Variants in LINS1 observed in about 807,000 individuals in gnomAD.
LINS1 encodes the protein protein Lines homolog 1.
Under a neutral mutation model 41.6 loss-of-function variants are expected in LINS1, and 27 were observed. The ratio of observed to expected loss-of-function variants is 0.65; its 90% CI spans 0.48 to 0.89. LINS1 has a LOEUF of 0.89. Ranked by LOEUF, LINS1 falls within the 40% of genes least tolerant of loss-of-function variation. The pLI, the probability that LINS1 is intolerant of heterozygous loss-of-function variation, is 0.00. For missense variants in LINS1, 955 were observed against 884.1 expected (o/e 1.08, Z -1.02); for synonymous variants, 336 against 312.9 (o/e 1.07, Z -0.78).
At chr15:100,576,495 T>G (rs960305381) in intron 3 of LINS1, 1 of 152,192 alleles carries the variant, frequency 6.6e-6, no homozygotes, top group African/African-American at 2.4e-5. Context: ...AATCTCTTAA[T>G]AGACCAATAA....
In LINS1 at chr15:100,573,346, T is replaced by G. The variant is rs140471532; in HGVS notation, c.1222+305A>C. ...AAAAAAAGGATTAATATAAATAAAA[T>G]GCTGTAAATACTTGAATATGAATTG... On this transcript the variant is annotated intron_variant, in intron 5 of 6. Transcript: ENST00000314742. 25 of 1,201,566 alleles carry G rather than the reference T, an allele frequency of 2.1e-5. No homozygotes were observed. In the African/African-American group the frequency reaches 2.9e-4, roughly 14 times the overall value. 74.4% of individuals were successfully genotyped at this position (1,201,566 alleles called of 1,614,324 possible). A position where few individuals can be genotyped will look rare whatever the true frequency, so the allele number is the denominator to read the frequency against.
chr15:100,583,688 C>T (rs1157227061), intron 1 of LINS1, among the ~76,000 whole-genome samples: 1 of 152,206 alleles, frequency 6.6e-6, no homozygotes, highest in Non-Finnish European at 1.5e-5. Context: ...TCTACCCTTC[C>T]TCAGTGACTC....
At chr15:100,585,913 G>C (rs2038783177) in intron 1 of LINS1, among the ~76,000 whole-genome samples, 1 of 152,206 alleles carries the variant, frequency 6.6e-6, no homozygotes, top group Admixed American at 6.5e-5. Flanking sequence ...GTCTTTGCTA[G>C]ATATTTTGGG....
At chr15:100,590,329 C>CT (rs1377635007) in intron 1 of LINS1, among the ~76,000 whole-genome samples, 2 of 152,318 alleles carry the variant, frequency 1.3e-5, no homozygotes, top group African/African-American at 2.4e-5. Context: ...TAACCTTATA[C>CT]TTTGACAGAT....
chr15:100,589,463 T>C (rs559239734), intron 1 of LINS1, among the ~76,000 whole-genome samples: 6 of 152,360 alleles, frequency 3.9e-5, no homozygotes, highest in African/African-American at 1.4e-4. Flanking sequence ...ACCAGTGCTA[T>C]GCACCTAATG....
At chr15:100,597,791 A>G (rs1031519060) in intron 1 of LINS1, among the ~76,000 whole-genome samples, 3 of 152,224 alleles carry the variant, frequency 2.0e-5, no homozygotes, top group African/African-American at 4.8e-5. Flanking sequence ...CTGTCTATAG[A>G]TGTGATACTG....
At position 100,573,808 on chromosome 15, in the gene LINS1, AACAG is replaced by A. The variant is rs1250853283; in HGVS notation, c.1061_1064del (p.Ser354PhefsTer26). 2 of 1,614,242 alleles carry A rather than the reference AACAG, an allele frequency of 1.2e-6. No individual in the cohort carries two copies. Among genetic ancestry groups the A allele is most frequent in the Non-Finnish European group, 1.7e-6 (2 of 1,180,042 alleles). The stretch of plus-strand genomic sequence containing the variant: ...CTCCAAAAAAGGAATGTTTTTCATA[AACAG>A]ACAGTGTCTTCAACAACCCCGAATT... On this transcript the variant is annotated frameshift_variant, in exon 5 of 7. Transcript: ENST00000314742. LOFTEE classifies it high-confidence loss of function.
At chr15:100,580,091 G>A (rs898471771) in intron 3 of LINS1, among the ~76,000 whole-genome samples, 172 bp downstream of exon 3, 2 of 152,102 alleles carry the variant, frequency 1.3e-5, no homozygotes. Context: ...TAGGTGCCAC[G>A]GCTCTCGTCT....
At chr15:100,577,049 G>A (rs1452074521) in intron 3 of LINS1, among the ~76,000 whole-genome samples, 3 of 152,196 alleles carry the variant, frequency 2.0e-5, no homozygotes, top group African/African-American at 7.2e-5. Context: ...AGCTATTTAT[G>A]ACAAACCCAC....
chr15:100,588,411 T>G (rs1009437707), intron 1 of LINS1, among the ~76,000 whole-genome samples: 3 of 152,236 alleles, frequency 2.0e-5, no homozygotes, highest in African/African-American at 7.2e-5. Context: ...ATTAACTGGT[T>G]AATAATAAGA....
At chr15:100,590,301 G>A (rs2038976409) in intron 1 of LINS1, among the ~76,000 whole-genome samples, 2 of 152,216 alleles carry the variant, frequency 1.3e-5, no homozygotes, top group Non-Finnish European at 2.9e-5. Flanking sequence ...GGATTTTGCA[G>A]CCAGCCTCGT....
chr15:100,596,101 G>A (rs1422464670), intron 1 of LINS1, among the ~76,000 whole-genome samples: 3 of 152,164 alleles, frequency 2.0e-5, no homozygotes, highest in African/African-American at 7.2e-5. Flanking sequence ...TGGGAGGGGC[G>A]GAAGGCAGGC....
intron 5 of LINS1, chr15:100,572,753 A>G (rs1187074251): frequency 2.0e-6 from 2 of 983,522 alleles, no homozygotes; most frequent in Non-Finnish European, 2.4e-6. Flanking sequence ...ATTTTTCTCA[A>G]GTAAAATGGA....
chr15:100,593,025 A>C (rs763738946), intron 1 of LINS1, among the ~76,000 whole-genome samples: 14 of 152,088 alleles, frequency 9.2e-5, no homozygotes, highest in African/African-American at 1.4e-4. Flanking sequence ...ACTGACCACA[A>C]TTTTTTCTGA....
At chr15:100,585,759 C>T (rs562226349) in intron 1 of LINS1, among the ~76,000 whole-genome samples, 1 of 151,656 alleles carries the variant, frequency 6.6e-6, no homozygotes, top group African/African-American at 2.4e-5. Flanking sequence ...AGTGCTCATA[C>T]ATTAACTAAG....
intron 1 of LINS1, among the ~76,000 whole-genome samples, chr15:100,585,853 G>A (rs1349704577): frequency 6.6e-6 from 1 of 152,200 alleles, no homozygotes; most frequent in Non-Finnish European, 1.5e-5. Flanking sequence ...AATAAAAACA[G>A]AAGTGCCTTC....
At chr15:100,575,804 C>T (rs2038139504) in intron 3 of LINS1, among the ~76,000 whole-genome samples, 1 of 152,158 alleles carries the variant, frequency 6.6e-6, no homozygotes, top group Admixed American at 6.5e-5. Flanking sequence ...TGTAAAAGAA[C>T]AGAAATCACA....
intron 5 of LINS1, chr15:100,572,437 C>T: frequency 9.4e-7 from 1 of 1,058,472 alleles, no homozygotes; most frequent in South Asian, 2.9e-5. Context: ...TCCAAGAATG[C>T]AACCAAGCAA....
At chr15:100,579,795 T>C (rs1437343665) in intron 3 of LINS1, among the ~76,000 whole-genome samples, 1 of 152,218 alleles carries the variant, frequency 6.6e-6, no homozygotes, top group Non-Finnish European at 1.5e-5. Context: ...TCTCAACTGG[T>C]GGTTCCTAAA....
Sources: gnomAD v4.1 joint callset for allele counts (sites outside exome capture counted in the v4.1 genomes callset) on GRCh38, gnomAD v4.1.1 for gene constraint, MANE v1.5 for transcripts, NCBI Gene and HGNC (gene_info 2026-07-23, HGNC 2026-07-21) for gene names.